GRID2: variants seen among roughly 807,000 people sequenced by gnomAD.
GRID2 encodes glutamate receptor ionotropic, delta-2.
Under a neutral mutation model 114.8 loss-of-function variants are expected in GRID2, and 33 were observed. The observed-to-expected ratio is 0.29, with a 90% confidence interval of 0.22 to 0.38. GRID2 has a LOEUF of 0.38. GRID2 is among the 10% of genes least tolerant of loss of function. GRID2 has a pLI of 1.00. For missense variants in GRID2, 1,184 were observed against 1,257.7 expected, an observed-to-expected ratio of 0.94 and a Z score of 0.89; for synonymous variants, 505 against 449.9, an observed-to-expected ratio of 1.12 and a Z score of -1.55.
At chr4:92,434,761 A>T (rs1157134827) in intron 1 of GRID2, among the ~76,000 whole-genome samples, 1 of 152,178 alleles carries the variant, frequency 6.6e-6, no homozygotes, top group Non-Finnish European at 1.5e-5. Flanking sequence ...CAAAAGGGAA[A>T]TTAATATAAT....
intron 2 of GRID2, among the ~76,000 whole-genome samples, chr4:93,072,256 C>T (rs964880568): frequency 1.3e-5 from 2 of 151,960 alleles, no homozygotes; most frequent in Non-Finnish European, 2.9e-5. Flanking sequence ...GGGACAAGTA[C>T]TTTCAAAGAG....
chr4:93,242,367 A>G (rs1460072404), intron 8 of GRID2, among the ~76,000 whole-genome samples: 5 of 151,614 alleles, frequency 3.3e-5, no homozygotes, highest in Admixed American at 1.3e-4. Context: ...CTGTAGTACT[A>G]ATCTACACAG....
chr4:92,806,275 G>C (rs560611294), intron 2 of GRID2, among the ~76,000 whole-genome samples: 1 of 150,856 alleles, frequency 6.6e-6, no homozygotes, highest in Non-Finnish European at 1.5e-5. Context: ...TTAGGATACC[G>C]AAAGAAGGAC....
intron 2 of GRID2, among the ~76,000 whole-genome samples, chr4:92,982,045 AG>A (rs368989722): frequency 6.1e-4 from 66 of 108,894 alleles, no homozygotes; most frequent in African/African-American, 1.7e-3. Context: ...AAAAAAAAAA[AG>A]AAAAAGAAAA....
At chr4:92,960,785 A>G (rs1197971497) in intron 2 of GRID2, among the ~76,000 whole-genome samples, 1 of 151,832 alleles carries the variant, frequency 6.6e-6, no homozygotes, top group Non-Finnish European at 1.5e-5. Context: ...ACTATCTTCT[A>G]TTTGTTGCCT....
chr4:92,568,940 A>ATATGT (rs1727479298), intron 1 of GRID2, among the ~76,000 whole-genome samples: 1 of 152,056 alleles, frequency 6.6e-6, no homozygotes, highest in Middle Eastern at 3.4e-3. Flanking sequence ...TCCATGATGT[A>ATATGT]TATGTACCAC....
intron 1 of GRID2, among the ~76,000 whole-genome samples, chr4:92,359,090 C>T (rs1314154346): frequency 6.6e-6 from 1 of 151,844 alleles, no homozygotes; most frequent in Non-Finnish European, 1.5e-5. Flanking sequence ...AAGCTGATAT[C>T]CTGTTTGGTT....
intron 2 of GRID2, among the ~76,000 whole-genome samples, chr4:92,724,699 A>G (rs965435090): frequency 6.6e-6 from 1 of 152,122 alleles, no homozygotes; most frequent in Non-Finnish European, 1.5e-5. Context: ...ATGTGCCTCA[A>G]TTTTCTTATT....
chr4:93,388,143 G>A (rs1764508828), intron 8 of GRID2, among the ~76,000 whole-genome samples: 1 of 151,892 alleles, frequency 6.6e-6, no homozygotes, highest in Admixed American at 6.6e-5. Context: ...GCCTGGGGTG[G>A]GGGCAGGAGA....
rs187982523 is a variant in GRID2, at chr4:92,599,294, C to T, written c.244+9008C>T. 9.2e-5 allele frequency among the ~76,000 whole-genome samples: 14 copies of T among 152,038 alleles called. No individual in the cohort carries two copies. The East Asian group carries it at 1.2e-3, about 13-fold the overall frequency. ...AATACAATCGGTGAAGTAAATAAGG[C>T]GCTGAGTCATAGCTAAATGGAATTT... On this transcript the variant is annotated intron_variant, in intron 2 of 15. Transcript: ENST00000282020.
At chr4:93,313,196 T>C (rs1034415115) in intron 8 of GRID2, among the ~76,000 whole-genome samples, 4 of 152,190 alleles carry the variant, frequency 2.6e-5, no homozygotes, top group Non-Finnish European at 5.9e-5. Context: ...TGACATAATC[T>C]GAAATGCCTT....
chr4:92,932,897 T>C (rs768809080), intron 2 of GRID2, among the ~76,000 whole-genome samples: 1 of 151,244 alleles, frequency 6.6e-6, no homozygotes, highest in Non-Finnish European at 1.5e-5. Flanking sequence ...ATTGTGATAA[T>C]TGAAATTAGA....
chr4:93,804,448 C>T lies in GRID2; in HGVS notation c.222-2267C>T, dbSNP rs113283871. On this transcript the variant is annotated intron_variant, in intron 1 of 1. Transcript: ENST00000637838. ...TACAGCACGCCGCTGTACAGAATAC[C>T]GCAGGCAATTGTAACACAATGGTAA... 5.1e-3 allele frequency among the ~76,000 whole-genome samples: 779 copies of T among 152,156 alleles called. 7 individuals carry two copies. Among genetic ancestry groups the T allele is most frequent in the African/African-American group, 0.017 (716 of 41,512 alleles).
At chr4:93,437,962 A>T (rs1247283690) in intron 10 of GRID2, among the ~76,000 whole-genome samples, 2 of 152,142 alleles carry the variant, frequency 1.3e-5, no homozygotes, top group Non-Finnish European at 2.9e-5. Flanking sequence ...ATACAATCTC[A>T]GGAAGAGAGA....
chr4:92,486,568 CACA>C (rs1722902680), intron 1 of GRID2, among the ~76,000 whole-genome samples: 1 of 150,898 alleles, frequency 6.6e-6, no homozygotes, highest in Non-Finnish European at 1.5e-5. Context: ...CACACACACA[CACA>C]CACACACACA....
chr4:92,942,488 A>C (rs1486899793), intron 2 of GRID2, among the ~76,000 whole-genome samples: 1 of 152,102 alleles, frequency 6.6e-6, no homozygotes, highest in Non-Finnish European at 1.5e-5. Context: ...GGGTTTCCTG[A>C]ATACAGCACA....
chr4:92,378,794 A>G (rs1382044121), intron 1 of GRID2, among the ~76,000 whole-genome samples: 1 of 152,048 alleles, frequency 6.6e-6, no homozygotes, highest in Non-Finnish European at 1.5e-5. Flanking sequence ...CATAAGTAAG[A>G]ATCAAAATAT....
chr4:92,813,671 C>CAT (rs1740755474), intron 2 of GRID2, among the ~76,000 whole-genome samples: 5 of 151,984 alleles, frequency 3.3e-5, no homozygotes, highest in Non-Finnish European at 1.5e-5. Context: ...CACACACACA[C>CAT]ATATACTCAC....
chr4:92,408,633 T>G (rs1220218652), intron 1 of GRID2, among the ~76,000 whole-genome samples: 8 of 151,608 alleles, frequency 5.3e-5, no homozygotes, highest in African/African-American at 1.5e-4. Context: ...ATTATTATTT[T>G]TTTTTGTCCC....
Sources: gnomAD v4.1 joint callset for allele counts (sites outside exome capture counted in the v4.1 genomes callset) on GRCh38, gnomAD v4.1.1 for gene constraint, MANE v1.5 for transcripts, NCBI Gene and HGNC (gene_info 2026-07-23, HGNC 2026-07-21) for gene names.